The following FAM117A variants were observed in gnomAD, a reference collection of about 807,000 sequenced individuals.
FAM117A encodes family with sequence similarity 117 member A.
In FAM117A, 21 loss-of-function variants were observed where a neutral mutation model predicts 44.1. The observed-to-expected ratio is 0.48, with a 90% confidence interval of 0.34 to 0.69. The LOEUF (loss-of-function observed/expected upper bound fraction) is 0.69, where lower values mean the gene tolerates loss of function less well. Among genes scored for constraint, FAM117A ranks in the 30% least tolerant of loss-of-function variants. The pLI, the probability that FAM117A is intolerant of heterozygous loss-of-function variation, is 0.01. For synonymous variants in FAM117A, 220 were observed against 238.3 expected (o/e 0.92, Z 0.71); for missense variants, 498 against 589.9 (o/e 0.84, Z 1.61).
intron 7 of FAM117A, among the ~76,000 whole-genome samples, chr17:49,715,211 A>G (rs1405346239): frequency 6.6e-6 from 1 of 152,154 alleles, no homozygotes; most frequent in East Asian, 1.9e-4. Context: ...CCCAGGCAAC[A>G]ATAATAACAG....
chr17:49,744,923 AAGATTGCTTG>A (rs1203165207), intron 1 of FAM117A, among the ~76,000 whole-genome samples: 2 of 150,320 alleles, frequency 1.3e-5, no homozygotes, highest in African/African-American at 4.9e-5. Flanking sequence ...CTGAGGTGTG[AAGATTGCTTG>A]AGCCAAGGAA....
At chr17:49,729,365 C>A (rs1242463549) in intron 2 of FAM117A, among the ~76,000 whole-genome samples, 1 of 152,022 alleles carries the variant, frequency 6.6e-6, no homozygotes, top group Non-Finnish European at 1.5e-5. Context: ...TAGTGAGTGC[C>A]CACCAGTGAG....
intron 1 of FAM117A, among the ~76,000 whole-genome samples, chr17:49,750,921 A>G (rs2073674489): frequency 6.6e-6 from 1 of 152,366 alleles, no homozygotes; most frequent in African/African-American, 2.4e-5. Flanking sequence ...TTTATCATAC[A>G]GAAGCATTTT....
intron 1 of FAM117A, among the ~76,000 whole-genome samples, chr17:49,782,180 C>T (rs1296964872): frequency 6.6e-6 from 1 of 151,428 alleles, no homozygotes; most frequent in East Asian, 1.9e-4. Context: ...TCGAGACCAT[C>T]CTGGCTAACA....
At chr17:49,720,236 G>C (rs964017827) in intron 4 of FAM117A, 90 bp downstream of exon 4, 2 of 1,018,296 alleles carry the variant, frequency 2.0e-6, no homozygotes, top group East Asian at 2.4e-5. Flanking sequence ...TAGGGGGCTC[G>C]GCAGTTCCAA....
intron 1 of FAM117A, among the ~76,000 whole-genome samples, chr17:49,748,312 T>C (rs1181582497): frequency 6.6e-6 from 1 of 152,218 alleles, no homozygotes; most frequent in Non-Finnish European, 1.5e-5. Flanking sequence ...TCAGTTATGA[T>C]GGTCCTCTCT....
At position 49,773,998 on chromosome 17, in the gene FAM117A, C is replaced by T. The variant is rs140062338; in HGVS notation, c.-621+14499G>A. On this transcript the variant is annotated intron_variant, in intron 1 of 7. Transcript: ENST00000513602. The stretch of plus-strand genomic sequence containing the variant: ...CAAATTCCCGACCTCAGGCAATCTG[C>T]CCGCCTTGGCCTCCCAAAGTGCTGG... Among the ~76,000 whole-genome samples the T allele has an allele frequency of 5.1e-3, 776 of 152,336 alleles. 10 individuals carry two copies. The highest frequency in any genetic ancestry group is 0.018 in the African/African-American group (732 of 41,576).
rs1567839439 is a variant in FAM117A, at chr17:49,777,083, G to C, written c.-621+11414C>G. Among the ~76,000 whole-genome samples, 4 of 152,220 alleles carry C rather than the reference G, an allele frequency of 2.6e-5. No individual in the cohort carries two copies. The East Asian group carries it at 7.7e-4, about 29-fold the overall frequency. ...CGCCTGCCCAGCCTGCCAGAATGCT[G>C]CTGGAAAGAGTGGCTGGCCGCTGTG... On this transcript the variant is annotated intron_variant, in intron 1 of 7. Coordinates refer to the FAM117A transcript ENST00000513602.
chr17:49,728,189 G>C (rs531959786), intron 2 of FAM117A, among the ~76,000 whole-genome samples: 1 of 152,334 alleles, frequency 6.6e-6, no homozygotes, highest in South Asian at 2.1e-4. Flanking sequence ...AAAACAGGCA[G>C]TGTGCCCAGG....
intron 1 of FAM117A, among the ~76,000 whole-genome samples, chr17:49,785,069 A>G (rs914208610): frequency 6.6e-6 from 1 of 152,274 alleles, no homozygotes. Context: ...GGAAATATAA[A>G]TAACAATAGC....
intron 2 of FAM117A, among the ~76,000 whole-genome samples, chr17:49,725,552 C>T (rs955976001): frequency 8.5e-5 from 13 of 152,092 alleles, no homozygotes; most frequent in Admixed American, 1.3e-4. Context: ...AATAAAAACA[C>T]GAAGGAAGTG....
At chr17:49,781,780 C>A (rs189880211) in intron 1 of FAM117A, among the ~76,000 whole-genome samples, 1 of 152,058 alleles carries the variant, frequency 6.6e-6, no homozygotes, top group East Asian at 1.9e-4. Flanking sequence ...AGTTTGAGAC[C>A]AGCCTAGGTA....
At chr17:49,750,727 G>T (rs572960851) in intron 1 of FAM117A, among the ~76,000 whole-genome samples, 30 of 152,280 alleles carry the variant, frequency 2.0e-4, no homozygotes, top group African/African-American at 7.0e-4. Context: ...AGTGAGCCAA[G>T]ATTGTGCCAC....
Position 49,719,855 on chromosome 17 carries a change from G to A in FAM117A, c.613C>T (p.Arg205Ter), listed in dbSNP as rs753601420. The change falls in exon 5 of 8, where the codon CGA becomes TGA. Residue 205 changes from arginine (R) to a stop codon, truncating the protein, a stop_gained. Coordinates refer to ENST00000240364, the MANE Select transcript of FAM117A (RefSeq NM_030802.4). LOFTEE classifies it high-confidence loss of function. ...CTCCTGTGCAGGCAGGGGCTGAGTC[G>A]CAAGACAGGGGACCCTGAGGGGAAG... is the stretch of plus-strand genomic sequence containing the variant. ...PSFPSGSPVL[R>*]LSPCLHRSLE... 2 of 1,607,194 alleles carry A rather than the reference G, an allele frequency of 1.2e-6. No individual in the cohort carries two copies. Among genetic ancestry groups the A allele is most frequent in the South Asian group, 1.1e-5 (1 of 90,162 alleles).
chr17:49,781,403 T>C (rs774400767), intron 1 of FAM117A, among the ~76,000 whole-genome samples: 1 of 152,166 alleles, frequency 6.6e-6, no homozygotes, highest in African/African-American at 2.4e-5. Flanking sequence ...ATGACTTAAA[T>C]TGGCACCCTT....
intron 1 of FAM117A, among the ~76,000 whole-genome samples, chr17:49,739,740 A>G (rs1038555701): frequency 5.3e-5 from 8 of 152,258 alleles, no homozygotes; most frequent in Non-Finnish European, 7.3e-5. Context: ...AGGCTTCCCT[A>G]TCAGAGAAGA....
At chr17:49,743,944 G>A (rs2073644543) in intron 1 of FAM117A, among the ~76,000 whole-genome samples, 1 of 149,790 alleles carries the variant, frequency 6.7e-6, no homozygotes, top group South Asian at 2.1e-4. Context: ...AAAAAAGGTT[G>A]GGGGGGGCGT....
intron 1 of FAM117A, among the ~76,000 whole-genome samples, chr17:49,738,100 ACTCTATTATCTC>A (rs2073618470): frequency 6.6e-6 from 1 of 151,972 alleles, no homozygotes; most frequent in African/African-American, 2.4e-5. Context: ...GAAGTAAAGG[ACTCTATTATCTC>A]CTAGGGATAA....
chr17:49,737,458 A>T (rs73335262), intron 1 of FAM117A, among the ~76,000 whole-genome samples: 53 of 152,288 alleles, frequency 3.5e-4, no homozygotes, highest in African/African-American at 1.3e-3. Context: ...CGAGCAAGTG[A>T]TTGGCATAAG....
Sources: gnomAD v4.1 joint callset for allele counts (sites outside exome capture counted in the v4.1 genomes callset) on GRCh38, gnomAD v4.1.1 for gene constraint, MANE v1.5 for transcripts, NCBI Gene and HGNC (gene_info 2026-07-23, HGNC 2026-07-21) for gene names.